CFAP96: variants seen among roughly 807,000 people sequenced by gnomAD.
The protein encoded by CFAP96 is cilia-and flagella-associated protein 96.
At chr4:185,426,266 C>T in the CFAP96 span, 1 of 200,366 alleles carries the variant, frequency 5.0e-6, no homozygotes. Context: ...AGGCGCTGCG[C>T]AGCCCAGGCG....
the CFAP96 span, among the ~76,000 whole-genome samples, chr4:185,434,255 G>T: frequency 6.6e-6 from 1 of 151,804 alleles, no homozygotes; most frequent in Admixed American, 6.6e-5. Context: ...AAGAGTGAGG[G>T]TTTTCTTCTT....
At chr4:185,444,890 T>C in the CFAP96 span, 6 of 1,376,190 alleles carry the variant, frequency 4.4e-6, no homozygotes, top group Non-Finnish European at 6.0e-6. Context: ...AAAATATGTA[T>C]GAACTTCTTC....
chr4:185,443,886 A>G, the CFAP96 span, among the ~76,000 whole-genome samples: 5 of 148,810 alleles, frequency 3.4e-5, no homozygotes, highest in East Asian at 5.9e-4. Flanking sequence ...TGTGTCTTCA[A>G]TCTGGAAAAC....
chr4:185,408,452 AAC>A, the CFAP96 span: 1 of 1,608,134 alleles, frequency 6.2e-7, no homozygotes, highest in Admixed American at 1.7e-5. Flanking sequence ...ACAGAGAAGA[AAC>A]ACAGTAAAAT....
the CFAP96 span, among the ~76,000 whole-genome samples, chr4:185,437,275 T>G: frequency 6.6e-6 from 1 of 152,242 alleles, no homozygotes. Context: ...TGTACCATAT[T>G]TGACTTGTAA....
At chr4:185,411,542 A>C in the CFAP96 span, among the ~76,000 whole-genome samples, 1 of 152,340 alleles carries the variant, frequency 6.6e-6, no homozygotes, top group East Asian at 1.9e-4. Flanking sequence ...GGGGAATAAA[A>C]AATAATGAGT....
At chr4:185,418,664 C>T in the CFAP96 span, 5 of 1,613,790 alleles carry the variant, frequency 3.1e-6, no homozygotes, top group Non-Finnish European at 4.2e-6. Context: ...CACTGCTAGG[C>T]CATATATACA....
At chr4:185,448,410 G>A in the CFAP96 span, among the ~76,000 whole-genome samples, 2 of 152,090 alleles carry the variant, frequency 1.3e-5, no homozygotes, top group African/African-American at 2.4e-5. Flanking sequence ...GATGGTGACC[G>A]TTTTTTGCAT....
chr4:185,411,378 TA>T, the CFAP96 span, among the ~76,000 whole-genome samples: 2 of 151,658 alleles, frequency 1.3e-5, no homozygotes, highest in Non-Finnish European at 1.5e-5. Flanking sequence ...TCTAAAAAAC[TA>T]AAAAAGGAAC....
chr4:185,440,952 T>C, the CFAP96 span, among the ~76,000 whole-genome samples: 1 of 44,708 alleles, frequency 2.2e-5, no homozygotes, highest in African/African-American at 4.5e-5. Flanking sequence ...TATTTGAATT[T>C]ATAATTTTTT....
chr4:185,416,730 A>C, the CFAP96 span, among the ~76,000 whole-genome samples: 1 of 152,224 alleles, frequency 6.6e-6, no homozygotes, highest in Non-Finnish European at 1.5e-5. Flanking sequence ...GAAGTGCCCA[A>C]AATTACAATG....
At chr4:185,441,426 T>G in the CFAP96 span, among the ~76,000 whole-genome samples, 1 of 151,938 alleles carries the variant, frequency 6.6e-6, no homozygotes, top group Admixed American at 6.6e-5. Context: ...AGTCTTGTTT[T>G]GTTATTTGTG....
At chr4:185,433,309 C>G in the CFAP96 span, among the ~76,000 whole-genome samples, 1 of 150,770 alleles carries the variant, frequency 6.6e-6, no homozygotes, top group Non-Finnish European at 1.5e-5. Flanking sequence ...GCAGGAGAAT[C>G]TCGCTTTAAC....
the CFAP96 span, chr4:185,415,573 T>G: frequency 3.5e-6 from 3 of 863,212 alleles, no homozygotes; most frequent in Non-Finnish European, 5.1e-6. Context: ...AAATAACCAT[T>G]TAATTAATAG....
the CFAP96 span, among the ~76,000 whole-genome samples, chr4:185,439,856 GTT>G: frequency 6.9e-6 from 1 of 145,392 alleles, no homozygotes; most frequent in East Asian, 2.0e-4. Flanking sequence ...CATATAAAAT[GTT>G]TTTTTAAATT....
chr4:185,413,929 G>C, the CFAP96 span: 5 of 1,448,244 alleles, frequency 3.5e-6, no homozygotes, highest in Non-Finnish European at 4.6e-6. Flanking sequence ...TAGATTCCTA[G>C]TCAATAAATA....
At chr4:185,422,560 T>C in the CFAP96 span, 18 of 1,604,030 alleles carry the variant, frequency 1.1e-5, no homozygotes, top group Non-Finnish European at 1.5e-5. Flanking sequence ...CTTTCTGAAA[T>C]CACCTAGAAC....
the CFAP96 span, among the ~76,000 whole-genome samples, chr4:185,443,342 A>ATATATATATATATATATATTTTT: frequency 3.7e-5 from 1 of 26,726 alleles, no homozygotes; most frequent in African/African-American, 1.2e-4. Flanking sequence ...ATATATATAT[A>ATATATATATATATATATATTTTT]TTTTTTTTTT....
the CFAP96 span, among the ~76,000 whole-genome samples, chr4:185,432,719 A>T: frequency 1.3e-5 from 2 of 151,986 alleles, no homozygotes; most frequent in Non-Finnish European, 2.9e-5. Flanking sequence ...AAAATTAGCT[A>T]GGTGTGGTAG....
Sources: allele counts gnomAD v4.1 joint callset (sites outside exome capture counted in the v4.1 genomes callset), GRCh38; gene constraint gnomAD v4.1.1; transcripts MANE v1.5; gene names NCBI Gene and HGNC (gene_info 2026-07-23, HGNC 2026-07-21).